Variants in LPCAT1 observed in about 807,000 individuals in gnomAD.
The protein encoded by LPCAT1 is lysophosphatidylcholine acyltransferase 1.
A neutral mutation model predicts 60.9 loss-of-function variants in LPCAT1; 23 were observed. The ratio of observed to expected loss-of-function variants is 0.38; its 90% CI spans 0.27 to 0.53. The LOEUF (loss-of-function observed/expected upper bound fraction) is 0.53, where lower values mean the gene tolerates loss of function less well. Ranked by LOEUF, LPCAT1 falls within the 20% of genes least tolerant of loss-of-function variation. The probability of loss-of-function intolerance (pLI) is 0.82; values close to 1 mark genes in which losing one functional copy is unlikely to be tolerated. For synonymous variants in LPCAT1, 340 were observed against 301.1 expected, an observed-to-expected ratio of 1.13 and a Z score of -1.34; for missense variants, 622 against 723.6, an observed-to-expected ratio of 0.86 and a Z score of 1.61.
In LPCAT1 at chr5:1,477,402, A is replaced by G; in HGVS notation, c.899+2T>C. On this transcript the variant is annotated splice_donor_variant, in intron 9 of 13. Transcript: ENST00000283415. LOFTEE classifies it high-confidence loss of function. This position sits in a 1 kb window ranked among gnomAD's most constrained non-coding sequence, Gnocchi z 6.0. Reference sequence around the variant, plus strand: ...CGATGGGGGAAGGAGCTGCTCACTTACTCGGCCATGACTCGCCGCACGTTG... The same window carrying G: ...CGATGGGGGAAGGAGCTGCTCACTTGCTCGGCCATGACTCGCCGCACGTTG... 1 of 1,613,512 alleles carries G rather than the reference A, an allele frequency of 6.2e-7. No individual in the cohort carries two copies. Among genetic ancestry groups the G allele is most frequent in the Non-Finnish European group, 8.5e-7 (1 of 1,179,632 alleles).
intron 3 of LPCAT1, among the ~76,000 whole-genome samples, chr5:1,493,098 G>A (rs999132837): frequency 6.6e-6 from 1 of 152,196 alleles, no homozygotes; most frequent in African/African-American, 2.4e-5. Flanking sequence ...GCCATCACTC[G>A]GATGGTGCCT....
At chr5:1,508,019 C>G (rs1736238576) in intron 1 of LPCAT1, among the ~76,000 whole-genome samples, 1 of 152,242 alleles carries the variant, frequency 6.6e-6, no homozygotes, top group African/African-American at 2.4e-5. Context: ...ACCCCTCCAC[C>G]TTGCGAGGAC....
rs939503461 is a variant in LPCAT1, at chr5:1,480,638, C to T, written c.761+304G>A. 6.6e-6 allele frequency among the ~76,000 whole-genome samples: 1 copy of T among 152,154 alleles called. No homozygotes were observed. On this transcript the variant is annotated intron_variant, in intron 7 of 13. Coordinates refer to ENST00000283415, the MANE Select transcript of LPCAT1 (RefSeq NM_024830.5). This position sits in a 1 kb window ranked among gnomAD's most constrained non-coding sequence, Gnocchi z 6.4. The stretch of plus-strand genomic sequence containing the variant: ...CAGACACCCCTAAATCTCCACTTTC[C>T]TTACCAGGGGCCACCAGGTGGACGA...
rs1736051803 is a variant in LPCAT1, at chr5:1,502,453, C to G, written c.136-850G>C. ...CAGAATGAAGGTGTGACTTTCCAGT[C>G]AATGGAAGACCCGGCGCAGGAGAGT... On this transcript the variant is annotated intron_variant, in intron 1 of 13. Coordinates refer to ENST00000283415, the MANE Select transcript of LPCAT1 (RefSeq NM_024830.5). The surrounding 1 kb of genome is among the most constrained non-coding windows in gnomAD (Gnocchi z 5.5). 6.6e-6 allele frequency among the ~76,000 whole-genome samples: 1 copy of G among 152,114 alleles called. No homozygotes were observed. The highest frequency in any genetic ancestry group is 2.4e-5 in the African/African-American group (1 of 41,424).
rs1034485944 is a variant in LPCAT1 at position 1,487,785 on chromosome 5, G to A, written c.667+606C>T. ...GGTGGACCCTCTGACACGCCCAAGG[G>A]TGTGCAGAATTCCAAACAGACTCAG... is the stretch of plus-strand genomic sequence containing the variant. On this transcript the variant is annotated intron_variant, in intron 5 of 13. Coordinates refer to ENST00000283415, the MANE Select transcript of LPCAT1 (RefSeq NM_024830.5). This position sits in a 1 kb window ranked among gnomAD's most constrained non-coding sequence, Gnocchi z 6.1. 2.6e-5 allele frequency among the ~76,000 whole-genome samples: 4 copies of A among 152,128 alleles called. No homozygotes were observed. Among genetic ancestry groups the A allele is most frequent in the African/African-American group, 9.7e-5 (4 of 41,402 alleles).
In LPCAT1 at chr5:1,487,714, A is replaced by G. The variant is rs1423017604; in HGVS notation, c.667+677T>C. Among the ~76,000 whole-genome samples the G allele has an allele frequency of 6.6e-6, 1 of 152,072 alleles. No individual in the cohort carries two copies. Among genetic ancestry groups the G allele is most frequent in the African/African-American group, 2.4e-5 (1 of 41,392 alleles). On this transcript the variant is annotated intron_variant, in intron 5 of 13. Coordinates refer to ENST00000283415, the MANE Select transcript of LPCAT1 (RefSeq NM_024830.5). This position sits in a 1 kb window ranked among gnomAD's most constrained non-coding sequence, Gnocchi z 6.1. ...TGCCCCAGTATGGACACAGTTGATG[A>G]AAGCCACTACTTTCTAAAGTAGCCC...
Position 1,522,408 on chromosome 5 carries a change from G to GCCGGCA in LPCAT1, c.135+1296_135+1301dup, listed in dbSNP as rs1490484707. Among the ~76,000 whole-genome samples the GCCGGCA allele has an allele frequency of 6.6e-6, 1 of 152,180 alleles. No individual in the cohort carries two copies. The highest frequency in any genetic ancestry group is 2.4e-5 in the African/African-American group (1 of 41,438). The stretch of plus-strand genomic sequence containing the variant: ...GGCCAGGCAGAGCGGCGGCAGAGGG[G>GCCGGCA]CCGGCACCGCCCCAGCCCCAGAGTC... On this transcript the variant is annotated intron_variant, in intron 1 of 13. Transcript: ENST00000283415. The surrounding 1 kb of genome is among the most constrained non-coding windows in gnomAD (Gnocchi z 6.8).
rs1371388103 is a variant in LPCAT1, at chr5:1,521,915, T to C, written c.135+1795A>G. 6.6e-6 allele frequency among the ~76,000 whole-genome samples: 1 copy of C among 152,212 alleles called. No individual in the cohort carries two copies. The highest frequency in any genetic ancestry group is 2.4e-5 in the African/African-American group (1 of 41,460). On this transcript the variant is annotated intron_variant, in intron 1 of 13. Coordinates refer to ENST00000283415, the MANE Select transcript of LPCAT1 (RefSeq NM_024830.5). The surrounding 1 kb of genome is among the most constrained non-coding windows in gnomAD (Gnocchi z 4.3). ...TACCTACCCATGAGAGTCTCTGCCC[T>C]GCTTCTCGCCAGGGCAGTGGGTGCA...
intron 4 of LPCAT1, 94 bp downstream of exon 4, chr5:1,489,652 C>CG (rs1560972772): frequency 1.1e-6 from 1 of 947,068 alleles, no homozygotes; most frequent in Non-Finnish European, 1.7e-6. Flanking sequence ...AATCCAGCCC[C>CG]GGAGGAAGGG....
chr5:1,507,001 T>G (rs929259444), intron 1 of LPCAT1, among the ~76,000 whole-genome samples: 1 of 152,264 alleles, frequency 6.6e-6, no homozygotes, highest in African/African-American at 2.4e-5. Context: ...AAGACATCAC[T>G]GCAAGTCGTG....
chr5:1,481,842 G>A lies in LPCAT1; in HGVS notation c.727-866C>T, dbSNP rs1051819708. ...GAGGTCTTTCAGTCGTGTGACTACC[G>A]GCCCTGACTCCATTTTATTACCTGA... On this transcript the variant is annotated intron_variant, in intron 6 of 13. Transcript: ENST00000283415. This position sits in a 1 kb window ranked among gnomAD's most constrained non-coding sequence, Gnocchi z 7.8. Among the ~76,000 whole-genome samples, 8 of 152,328 alleles carry A rather than the reference G, an allele frequency of 5.3e-5. No individual in the cohort carries two copies. Among genetic ancestry groups the A allele is most frequent in the East Asian group, 3.9e-4 (2 of 5,178 alleles).
chr5:1,496,469 C>A lies in LPCAT1; in HGVS notation c.279-1555G>T, dbSNP rs1173406733. ...AAAGCCAAAAGACAGCAATTGATGC[C>A]TAAGATGGAAGAAACAAGGCAGCGG... On this transcript the variant is annotated intron_variant, in intron 2 of 13. Transcript: ENST00000283415. This position sits in a 1 kb window ranked among gnomAD's most constrained non-coding sequence, Gnocchi z 4.7. Among the ~76,000 whole-genome samples, 1 of 151,610 alleles carries A rather than the reference C, an allele frequency of 6.6e-6. No individual in the cohort carries two copies. The highest frequency in any genetic ancestry group is 1.5e-5 in the Non-Finnish European group (1 of 67,938).
At position 1,480,516 on chromosome 5, in the gene LPCAT1, T is replaced by C. The variant is rs1485743324; in HGVS notation, c.761+426A>G. The C allele has an allele frequency of 4.1e-6, 1 of 244,954 alleles. No homozygotes were observed. The highest frequency in any genetic ancestry group is 6.5e-6 in the Non-Finnish European group (1 of 152,900). The allele number at this position is 244,954 out of a possible 1,614,324, so 15.2% of individuals were successfully genotyped here. ...TCATTGTTGCATAACTGACCTTCGG[T>C]GTCTCTGCTGGGGGGACAGGGACAC... On this transcript the variant is annotated intron_variant, in intron 7 of 13. Coordinates refer to ENST00000283415, the MANE Select transcript of LPCAT1 (RefSeq NM_024830.5). This position sits in a 1 kb window ranked among gnomAD's most constrained non-coding sequence, Gnocchi z 6.4.
At chr5:1,464,483 T>A (rs1464420510) in intron 13 of LPCAT1, among the ~76,000 whole-genome samples, 1 of 151,282 alleles carries the variant, frequency 6.6e-6, no homozygotes, top group Non-Finnish European at 1.5e-5. Flanking sequence ...CGGTGCCCAC[T>A]ACAAACATCA....
At chr5:1,464,642 TGCACAC>T (rs1489286553) in intron 13 of LPCAT1, among the ~76,000 whole-genome samples, 2 of 85,096 alleles carry the variant, frequency 2.4e-5, no homozygotes, top group African/African-American at 8.6e-5. Flanking sequence ...CACACATGCG[TGCACAC>T]ACACACACAC....
Position 1,495,845 on chromosome 5 carries a change from G to A in LPCAT1, c.279-931C>T, listed in dbSNP as rs1292196541. On this transcript the variant is annotated intron_variant, in intron 2 of 13. Transcript: ENST00000283415. This position sits in a 1 kb window ranked among gnomAD's most constrained non-coding sequence, Gnocchi z 4.7. ...AGATGATCCTCCCAGAAGACTTCCAGGACAGGGGTCCCCATGGATCTGAGC... is the reference window on the plus strand; with the variant it reads ...AGATGATCCTCCCAGAAGACTTCCAAGACAGGGGTCCCCATGGATCTGAGC... Among the ~76,000 whole-genome samples the A allele has an allele frequency of 6.6e-6, 1 of 152,192 alleles. No individual in the cohort carries two copies. Among genetic ancestry groups the A allele is most frequent in the Non-Finnish European group, 1.5e-5 (1 of 68,018 alleles).
At chr5:1,473,909 A>G (rs1275142282) in intron 11 of LPCAT1, 48 bp downstream of exon 11, 1 of 1,583,970 alleles carries the variant, frequency 6.3e-7, no homozygotes, top group Non-Finnish European at 8.6e-7. Context: ...ATGCTTCAAA[A>G]AGCAGGAGGT....
chr5:1,468,582 T>G (rs1447557367), intron 12 of LPCAT1, among the ~76,000 whole-genome samples: 1 of 152,232 alleles, frequency 6.6e-6, no homozygotes, highest in African/African-American at 2.4e-5. Flanking sequence ...GAGGTAGGAC[T>G]GAGGCTACCA....
At position 1,463,682 on chromosome 5, in the gene LPCAT1, C is replaced by G; in HGVS notation, c.1574G>C (p.Gly525Ala). 1 of 1,614,256 alleles carries G rather than the reference C, an allele frequency of 6.2e-7. No individual in the cohort carries two copies. Among genetic ancestry groups the G allele is most frequent in the Non-Finnish European group, 8.5e-7 (1 of 1,180,042 alleles). ...CAGCTTCTTGCGAACAGGCTTCCGCCCAGCGTCTGAGTTTTCCGGGCTGAA... is the reference window on the plus strand; with the variant it reads ...CAGCTTCTTGCGAACAGGCTTCCGCGCAGCGTCTGAGTTTTCCGGGCTGAA... ...ADFSPENSDAGRKPVRKKLD is the reference protein window; with the variant it reads ...ADFSPENSDAARKPVRKKLD The change falls in exon 14 of 14, where the codon GGG becomes GCG. Residue 525 changes from glycine (G) to alanine (A), a missense_variant. Coordinates refer to ENST00000283415, the MANE Select transcript of LPCAT1 (RefSeq NM_024830.5).
Sources: allele counts gnomAD v4.1 joint callset (sites outside exome capture counted in the v4.1 genomes callset), GRCh38; gene constraint gnomAD v4.1.1; non-coding constraint Gnocchi (gnomAD v3.1); transcripts MANE v1.5; gene names NCBI Gene and HGNC (gene_info 2026-07-23, HGNC 2026-07-21).